The following FBN3 variants were observed in gnomAD, a reference collection of about 807,000 sequenced individuals.
FBN3 encodes the protein fibrillin-3.
Under a neutral mutation model 330.1 loss-of-function variants are expected in FBN3, and 234 were observed. The observed-to-expected ratio is 0.71, with a 90% CI of 0.64 to 0.79. The LOEUF (loss-of-function observed/expected upper bound fraction) is 0.79, where lower values mean the gene tolerates loss of function less well. Ranked by LOEUF, FBN3 falls within the 30% of genes least tolerant of loss-of-function variation. FBN3 has a pLI of 0.00. For synonymous variants in FBN3, 1,458 were observed against 1,517.3 expected (o/e 0.96, Z 0.91); for missense variants, 3,606 against 3,886.9 (o/e 0.93, Z 1.92).
At chr19:8,094,846 T>C (rs971789121) in intron 46 of FBN3, among the ~76,000 whole-genome samples, 4 of 152,238 alleles carry the variant, frequency 2.6e-5, no homozygotes, top group Non-Finnish European at 5.9e-5. Flanking sequence ...ATTCCTTCCA[T>C]GGTATCTATT....
chr19:8,120,625 G>A (rs1300498138), intron 25 of FBN3, among the ~76,000 whole-genome samples: 2 of 151,646 alleles, frequency 1.3e-5, no homozygotes. Context: ...AGTAGCACGC[G>A]CCACCATGCC....
In FBN3 at chr19:8,121,356, A is replaced by G. The variant is rs566965706; in HGVS notation, c.3113T>C (p.Leu1038Pro). The G allele has an allele frequency of 1.1e-5, 18 of 1,611,478 alleles. No homozygotes were observed. In the Admixed American group the frequency reaches 1.2e-4, roughly 11 times the overall value. ...GTTGACACAGGTGCCCTGGCCGCAG[A>G]GGTCAGGAGAGATGCGACACTCGTC... ...DIDECRISPDLCGQGTCVNTP... is the reference protein window; with the variant it reads ...DIDECRISPDPCGQGTCVNTP... The change falls in exon 25 of 64, where the codon CTC (leucine) becomes CCC (proline). Residue 1038 changes from leucine to proline, a missense_variant. Transcript: ENST00000600128. This position sits in a 1 kb window ranked among gnomAD's most constrained non-coding sequence, Gnocchi z 4.5.
chr19:8,112,685 TGTCCGTATGAACAC>T lies in FBN3; in HGVS notation c.3839-600_3839-587del, dbSNP rs1170703722. Among the ~76,000 whole-genome samples, 5 of 152,144 alleles carry T rather than the reference TGTCCGTATGAACAC, an allele frequency of 3.3e-5. No homozygotes were observed. The East Asian group carries it at 9.6e-4, about 29-fold the overall frequency. ...ATAAATAAAAAAATAAAAAAGTGACTGTCCGTATGAACACGCCCCTTTTCCAAGCCAGGATTTCC... is the reference window on the plus strand; with the variant it reads ...ATAAATAAAAAAATAAAAAAGTGACTGCCCCTTTTCCAAGCCAGGATTTCC... On this transcript the variant is annotated intron_variant, in intron 30 of 63. Transcript: ENST00000600128.
At chr19:8,142,770 C>T (rs761045460) in intron 6 of FBN3, among the ~76,000 whole-genome samples, 1 of 151,944 alleles carries the variant, frequency 6.6e-6, no homozygotes, top group Non-Finnish European at 1.5e-5. Flanking sequence ...CAACTCAGGC[C>T]CCGTAAGGAG....
At chr19:8,111,273 G>T (rs1350001858) in intron 32 of FBN3, 90 bp from the exon 33 acceptor site, 15 of 1,455,840 alleles carry the variant, frequency 1.0e-5, no homozygotes, top group Non-Finnish European at 1.4e-5. Context: ...GGAACACTTC[G>T]CTGTCAGCCA....
chr19:8,090,324 A>C, intron 48 of FBN3, 73 bp from the exon 49 acceptor site: 3 of 1,549,932 alleles, frequency 1.9e-6, no homozygotes, highest in Admixed American at 1.8e-5. Context: ...GACCTCCCGC[A>C]CCCCAGTCCT....
In FBN3 at chr19:8,100,916, T is replaced by G; in HGVS notation, c.5146A>C (p.Thr1716Pro). Residue 1716 changes from threonine to proline, a missense_variant, in exon 41 of 64, where the codon ACG becomes CCG. Coordinates refer to ENST00000600128, the MANE Select transcript of FBN3 (RefSeq NM_032447.5). Reference sequence around the variant, plus strand: ...ACTCACTCACCAAGGGGCTTCCCCGTGTGGATGTCAGTGAGGAATCCCGGG... The same window carrying G: ...ACTCACTCACCAAGGGGCTTCCCCGGGTGGATGTCAGTGAGGAATCCCGGG... ...QAPGFLTDIH[T>P]GKPLDIDECG... The G allele has an allele frequency of 6.2e-7, 1 of 1,613,730 alleles. No individual in the cohort carries two copies. Among genetic ancestry groups the G allele is most frequent in the South Asian group, 1.1e-5 (1 of 91,050 alleles).
chr19:8,083,299 G>T lies in FBN3; in HGVS notation c.7161C>A (p.Arg2387=). The T allele has an allele frequency of 1.2e-6, 2 of 1,614,146 alleles. No individual in the cohort carries two copies. Among genetic ancestry groups the T allele is most frequent in the Non-Finnish European group, 1.7e-6 (2 of 1,180,022 alleles). The change falls in exon 57 of 64, where the codon CGC becomes CGA. Residue 2387 remains arginine (R), a synonymous_variant. Transcript: ENST00000600128. ...GECINSLGSF[R]CHCQAGYTPD... is the part of the protein sequence containing the mutation. ...GTGTGTACCCGGCCTGACAGTGGCA[G>T]CGGAAGGAGCCAAGGCTGTTGATGC...
At chr19:8,135,940 A>ACCCCCCCCCC in intron 13 of FBN3, 21 bp downstream of exon 13, 1 of 168,344 alleles carries the variant, frequency 5.9e-6, no homozygotes, top group Non-Finnish European at 1.1e-5. Flanking sequence ...GCCCCTGCCC[A>ACCCCCCCCCC]CCCGCCCACC....
At chr19:8,069,725 A>G (rs2081472099) in intron 63 of FBN3, among the ~76,000 whole-genome samples, 2 of 152,302 alleles carry the variant, frequency 1.3e-5, no homozygotes, top group East Asian at 3.9e-4. Context: ...AGCTGGGACT[A>G]CAGGCACATG....
At position 8,129,375 on chromosome 19, in the gene FBN3, GAGGAGGGTGTGTCAGCAGCAGCAGA is replaced by G. The variant is rs1461138263; in HGVS notation, c.2045-35_2045-11del. 3 of 1,613,552 alleles carry G rather than the reference GAGGAGGGTGTGTCAGCAGCAGCAGA, an allele frequency of 1.9e-6. No homozygotes were observed. The highest frequency in any genetic ancestry group is 2.2e-5 in the South Asian group (2 of 90,988). On this transcript the variant is annotated splice_polypyrimidine_tract_variant and intron_variant, in intron 16 of 63. Coordinates refer to ENST00000600128, the MANE Select transcript of FBN3 (RefSeq NM_032447.5). This position sits in a 1 kb window ranked among gnomAD's most constrained non-coding sequence, Gnocchi z 4.5. Reference sequence around the variant, plus strand: ...GCACACTCGTTGATGTCTGCGGCAGGAGGAGGGTGTGTCAGCAGCAGCAGAAGGAGGGTGTGTCCGAGGCAGGAGG... The same window carrying G: ...GCACACTCGTTGATGTCTGCGGCAGGAGGAGGGTGTGTCCGAGGCAGGAGG...
chr19:8,113,137 G>C (rs1172250401), intron 30 of FBN3, among the ~76,000 whole-genome samples: 1 of 152,190 alleles, frequency 6.6e-6, no homozygotes, highest in East Asian at 1.9e-4. Context: ...TTTTGAGAAG[G>C]CTGTGTAGCC....
At position 8,096,991 on chromosome 19, in the gene FBN3, C is replaced by T; in HGVS notation, c.5303G>A (p.Gly1768Asp). ...CTGCTGGCAGGGACTCTCCCTGCTGCCACACTCATCGACATCTGGGAAAAT... is the reference window on the plus strand; with the variant it reads ...CTGCTGGCAGGGACTCTCCCTGCTGTCACACTCATCGACATCTGGGAAAAT... ...LLACEDVDEC[G>D]SRESPCQQNA... The change falls in exon 43 of 64, where the codon GGC (glycine) becomes GAC (aspartate). Residue 1768 changes from glycine (G) to aspartate (D), a missense_variant. Transcript: ENST00000600128. The surrounding 1 kb of genome is among the most constrained non-coding windows in gnomAD (Gnocchi z 4.6). The T allele has an allele frequency of 1.2e-6, 2 of 1,613,270 alleles. No homozygotes were observed. The highest frequency in any genetic ancestry group is 2.2e-5 in the East Asian group (1 of 44,876).
chr19:8,076,393 G>T (rs2081642496), intron 59 of FBN3, among the ~76,000 whole-genome samples: 1 of 152,050 alleles, frequency 6.6e-6, no homozygotes, highest in East Asian at 1.9e-4. Context: ...AGTGCTTTGG[G>T]AGGCCTAGGG....
intron 41 of FBN3, among the ~76,000 whole-genome samples, chr19:8,100,133 A>AC (rs2082296832): frequency 6.6e-6 from 1 of 152,078 alleles, no homozygotes; most frequent in Non-Finnish European, 1.5e-5. Context: ...GGTTCCACTC[A>AC]CAGGAGGTCC....
chr19:8,075,040 GCC>G, intron 61 of FBN3, 29 bp downstream of exon 61: 1 of 1,594,232 alleles, frequency 6.3e-7, no homozygotes, highest in Non-Finnish European at 8.5e-7. Flanking sequence ...CTGGTGGAGG[GCC>G]CAGCTTCTTC....
chr19:8,126,865 T>C, intron 18 of FBN3, 33 bp from the exon 19 acceptor site: 1 of 1,517,244 alleles, frequency 6.6e-7, no homozygotes. Context: ...GGTCCTGAGC[T>C]GCAGGAGGAG....
At position 8,115,552 on chromosome 19, in the gene FBN3, C is replaced by T. The variant is rs1346542664; in HGVS notation, c.3801G>A (p.Leu1267=). The change falls in exon 30 of 64, where the codon CTG becomes CTA. Residue 1267 remains leucine, a synonymous_variant. Coordinates refer to ENST00000600128, the MANE Select transcript of FBN3 (RefSeq NM_032447.5). The stretch of plus-strand genomic sequence containing the variant: ...TGGCCCCCTTCCTGACCATGTAGCC[C>T]AGCTGACAGTGGCAGACAAAGGAAC... ...TKGSFVCHCQ[L]GYMVRKGATG... is the part of the protein sequence containing the mutation. The T allele has an allele frequency of 6.2e-7, 1 of 1,613,970 alleles. No individual in the cohort carries two copies. Among genetic ancestry groups the T allele is most frequent in the Non-Finnish European group, 8.5e-7 (1 of 1,180,034 alleles).
At chr19:8,070,610 A>G (rs2081490062) in intron 63 of FBN3, among the ~76,000 whole-genome samples, 1 of 152,236 alleles carries the variant, frequency 6.6e-6, no homozygotes, top group South Asian at 2.1e-4. Context: ...CTGCTTGTAA[A>G]GAGAAGTCCA....
Sources: gnomAD v4.1 joint callset for allele counts (sites outside exome capture counted in the v4.1 genomes callset) on GRCh38, gnomAD v4.1.1 for gene constraint, Gnocchi (gnomAD v3.1) non-coding constraint, MANE v1.5 for transcripts, NCBI Gene and HGNC (gene_info 2026-07-23, HGNC 2026-07-21) for gene names.